OR11A1: variants seen among roughly 807,000 people sequenced by gnomAD.
OR11A1 encodes the protein olfactory receptor family 11 subfamily A member 1, also known as olfactory receptor 11A1.
For missense variants in OR11A1, 380 were observed against 378.2 expected (o/e 1.00, Z -0.04); for synonymous variants, 158 against 152.2 (o/e 1.04, Z -0.28).
At position 29,427,751 on chromosome 6, in the gene OR11A1, A is replaced by G. The variant is rs1224453523; in HGVS notation, c.-91-19T>C. On this transcript the variant is annotated intron_variant, in intron 4 of 4. Coordinates refer to ENST00000377149, the MANE Select transcript of OR11A1 (RefSeq NM_001394828.1). ...ATTAGAGCTAAAACAAAACAAAACAAAAAAGACAAAAATGAGTCTCTAAAA... is the reference window on the plus strand; with the variant it reads ...ATTAGAGCTAAAACAAAACAAAACAGAAAAGACAAAAATGAGTCTCTAAAA... 16 of 1,444,302 alleles carry G rather than the reference A, an allele frequency of 1.1e-5. No homozygotes were observed. The Admixed American group carries it at 1.1e-4, about 10-fold the overall frequency. 89.5% of individuals were successfully genotyped at this position (1,444,302 alleles called of 1,614,324 possible). A position where few individuals can be genotyped will look rare whatever the true frequency, so the allele number is the denominator to read the frequency against.
intron 1 of OR11A1, among the ~76,000 whole-genome samples, chr6:29,436,782 C>T (rs1255738177): frequency 6.6e-6 from 1 of 152,142 alleles, no homozygotes; most frequent in Non-Finnish European, 1.5e-5. Context: ...GCATTAAAAC[C>T]CTGGCCTAGT....
At chr6:29,440,732 C>T in intron 1 of OR11A1, 1 of 1,614,034 alleles carries the variant, frequency 6.2e-7, no homozygotes, top group Non-Finnish European at 8.5e-7. Flanking sequence ...CCTTCTCCAC[C>T]TGCTCCTCCC....
Position 29,427,348 on chromosome 6 carries a change from G to A in OR11A1, c.294C>T (p.Cys98=). The A allele has an allele frequency of 6.2e-7, 1 of 1,613,116 alleles. No homozygotes were observed. Among genetic ancestry groups the A allele is most frequent in the Non-Finnish European group, 8.5e-7 (1 of 1,180,038 alleles). Residue 98 remains cysteine (C), a synonymous_variant, in exon 5 of 5, where the codon TGC becomes TGT. Transcript: ENST00000377149. ...AGCCGAAGATAAAGAACTGGAGCAA[G>A]CAACCAGCCACAGAGATAGTTGCTT... ...LQEATISVAG[C]LLQFFIFGSL...
chr6:29,431,569 T>C (rs1190042413), intron 2 of OR11A1, among the ~76,000 whole-genome samples: 1 of 152,172 alleles, frequency 6.6e-6, no homozygotes, highest in East Asian at 1.9e-4. Flanking sequence ...CATGAATATC[T>C]ACTGTTCCCC....
At chr6:29,442,383 G>A (rs1393956578) in intron 1 of OR11A1, among the ~76,000 whole-genome samples, 1 of 152,168 alleles carries the variant, frequency 6.6e-6, no homozygotes, top group South Asian at 2.1e-4. Context: ...ATCAAAAACA[G>A]CCATCTCCAA....
rs1785674349 is a variant in OR11A1 at position 29,453,458 on chromosome 6, A to G, written c.-389+3529T>C. The stretch of plus-strand genomic sequence containing the variant: ...TGAAAAGTGCTCCAGTACTACTCCA[A>G]CTTAGTTGATGGTAGTTTTGCCAGT... On this transcript the variant is annotated intron_variant, in intron 1 of 4. Coordinates refer to ENST00000377149, the MANE Select transcript of OR11A1 (RefSeq NM_001394828.1). The surrounding 1 kb of genome is among the most constrained non-coding windows in gnomAD (Gnocchi z 4.5). Among the ~76,000 whole-genome samples, 1 of 152,158 alleles carries G rather than the reference A, an allele frequency of 6.6e-6. No homozygotes were observed. Among genetic ancestry groups the G allele is most frequent in the Admixed American group, 6.5e-5 (1 of 15,276 alleles).
intron 1 of OR11A1, among the ~76,000 whole-genome samples, chr6:29,455,920 T>C (rs1786124770): frequency 1.2e-5 from 1 of 86,216 alleles, no homozygotes; most frequent in Non-Finnish European, 3.0e-5. Context: ...CCTAAGCATA[T>C]ACATATACAA....
intron 1 of OR11A1, among the ~76,000 whole-genome samples, chr6:29,441,932 G>A (rs947617374): frequency 6.6e-6 from 1 of 152,032 alleles, no homozygotes. Context: ...TTTTTGTTTT[G>A]TTCTGTTTTG....
At chr6:29,428,456 A>G (rs1057322586) in intron 4 of OR11A1, 1 of 964,874 alleles carries the variant, frequency 1.0e-6, no homozygotes, top group South Asian at 4.8e-5. Flanking sequence ...TTGAGGGCCA[A>G]TTAAGAGTTG....
intron 1 of OR11A1, among the ~76,000 whole-genome samples, chr6:29,455,656 G>A (rs28855087): frequency 7.9e-5 from 12 of 151,716 alleles, no homozygotes; most frequent in Non-Finnish European, 1.8e-4. Flanking sequence ...CGGGTGGATT[G>A]CCTGAGCTCA....
chr6:29,456,049 G>A (rs1431421903), intron 1 of OR11A1, among the ~76,000 whole-genome samples: 1 of 151,862 alleles, frequency 6.6e-6, no homozygotes, highest in Admixed American at 6.6e-5. Flanking sequence ...GGTCAATGTG[G>A]TGAAACACCG....
At chr6:29,436,197 C>A (rs968764678) in intron 1 of OR11A1, among the ~76,000 whole-genome samples, 1 of 152,220 alleles carries the variant, frequency 6.6e-6, no homozygotes, top group African/African-American at 2.4e-5. Flanking sequence ...TGATGCTGAG[C>A]AAGGAAACGC....
intron 1 of OR11A1, among the ~76,000 whole-genome samples, chr6:29,446,740 A>C (rs1017108851): frequency 2.0e-5 from 3 of 152,200 alleles, no homozygotes; most frequent in African/African-American, 7.2e-5. Flanking sequence ...GCCTGAAAAA[A>C]ACATGGTTGA....
intron 1 of OR11A1, 178 bp from the exon 2 acceptor site, chr6:29,432,165 C>T (rs1453489089): frequency 5.1e-6 from 1 of 197,186 alleles, no homozygotes; most frequent in Admixed American, 6.5e-5. Flanking sequence ...GGAGAGGCCC[C>T]TGAGAACCAA....
In OR11A1 at chr6:29,438,738, G is replaced by C. The variant is rs139294394; in HGVS notation, c.-388-6751C>G. Among the ~76,000 whole-genome samples the C allele has an allele frequency of 6.9e-3, 999 of 144,884 alleles. 6 individuals are homozygous for C. Among genetic ancestry groups the C allele is most frequent in the Middle Eastern group, 0.017 (5 of 286 alleles). On this transcript the variant is annotated intron_variant, in intron 1 of 4. Coordinates refer to ENST00000377149, the MANE Select transcript of OR11A1 (RefSeq NM_001394828.1). ...TTCTCCCCATTGGAAAGCCAAGAATGCTTGGAGACTCAGATCCTCAGAGAG... is the reference window on the plus strand; with the variant it reads ...TTCTCCCCATTGGAAAGCCAAGAATCCTTGGAGACTCAGATCCTCAGAGAG...
In OR11A1 at chr6:29,454,674, C is replaced by T. The variant is rs139494043; in HGVS notation, c.-389+2313G>A. Among the ~76,000 whole-genome samples, 151 of 152,112 alleles carry T rather than the reference C, an allele frequency of 9.9e-4. 5 individuals are homozygous for T. In the East Asian group the frequency reaches 0.029, roughly 29 times the overall value. On this transcript the variant is annotated intron_variant, in intron 1 of 4. Coordinates refer to ENST00000377149, the MANE Select transcript of OR11A1 (RefSeq NM_001394828.1). The stretch of plus-strand genomic sequence containing the variant: ...TCATAAGAACATTATTAGTAACACC[C>T]AAAAAGTAGAAACAATCCAAATGTC...
intron 1 of OR11A1, among the ~76,000 whole-genome samples, chr6:29,451,311 G>A (rs1183939399): frequency 6.6e-6 from 1 of 152,124 alleles, no homozygotes; most frequent in Non-Finnish European, 1.5e-5. Flanking sequence ...TCATGATAAA[G>A]TTGTCAAAAG....
At chr6:29,440,569 A>G (rs746498744) in intron 1 of OR11A1, 3 of 1,613,872 alleles carry the variant, frequency 1.9e-6, no homozygotes, top group Admixed American at 3.3e-5. Context: ...CCTGTCCTGC[A>G]GCTGGTATGT....
chr6:29,440,889 C>T, intron 1 of OR11A1: 4 of 1,613,686 alleles, frequency 2.5e-6, no homozygotes, highest in Non-Finnish European at 2.5e-6. Context: ...CTACAGCCTG[C>T]GGAACACAGA....
Sources: gnomAD v4.1 joint callset for allele counts (sites outside exome capture counted in the v4.1 genomes callset) on GRCh38, gnomAD v4.1.1 for gene constraint, Gnocchi (gnomAD v3.1) non-coding constraint, MANE v1.5 for transcripts, NCBI Gene and HGNC (gene_info 2026-07-23, HGNC 2026-07-21) for gene names.